Variants in NRXN1 observed in about 807,000 individuals in gnomAD.
NRXN1 encodes the protein neurexin-1.
A neutral mutation model predicts 150.9 loss-of-function variants in NRXN1; 39 were observed. The ratio of observed to expected loss-of-function variants is 0.26; its 90% CI spans 0.20 to 0.34. The LOEUF is 0.34. Among genes scored for constraint, NRXN1 ranks in the 10% least tolerant of loss-of-function variants. NRXN1 has a pLI of 1.00. For synonymous variants in NRXN1, 924 were observed against 757.0 expected, an observed-to-expected ratio of 1.22 and a Z score of -3.62; for missense variants, 1,815 against 1,949.9, an observed-to-expected ratio of 0.93 and a Z score of 1.30.
intron 12 of NRXN1, among the ~76,000 whole-genome samples, chr2:50,509,608 T>A (rs1015253538): frequency 6.6e-6 from 1 of 152,202 alleles, no homozygotes; most frequent in Admixed American, 6.5e-5. Flanking sequence ...GAATTTAACA[T>A]ATACAAACTT....
intron 2 of NRXN1, among the ~76,000 whole-genome samples, chr2:51,012,455 A>G (rs546505372): frequency 5.9e-5 from 9 of 152,186 alleles, no homozygotes; most frequent in Admixed American, 3.3e-4. Flanking sequence ...TTTTGCTTCA[A>G]CTGAGGATAT....
chr2:50,630,114 G>A (rs1234039205), intron 5 of NRXN1, among the ~76,000 whole-genome samples: 1 of 151,458 alleles, frequency 6.6e-6, no homozygotes, highest in Non-Finnish European at 1.5e-5. Context: ...TTCCATATCC[G>A]ACACACTATA....
intron 17 of NRXN1, among the ~76,000 whole-genome samples, chr2:50,283,765 C>A (rs995377224): frequency 6.6e-6 from 1 of 152,084 alleles, no homozygotes; most frequent in African/African-American, 2.4e-5. Context: ...CCTATATTTT[C>A]TGACTAAATG....
intron 17 of NRXN1, among the ~76,000 whole-genome samples, chr2:50,393,988 G>A (rs534990788): frequency 1.3e-5 from 2 of 152,014 alleles, no homozygotes; most frequent in African/African-American, 2.4e-5. Context: ...CATCTGACAC[G>A]GTAGATTATT....
At chr2:50,275,842 G>A (rs1009700531) in intron 17 of NRXN1, among the ~76,000 whole-genome samples, 1 of 151,994 alleles carries the variant, frequency 6.6e-6, no homozygotes, top group African/African-American at 2.4e-5. Context: ...ATAGAACATA[G>A]TAAACATAGC....
At position 50,958,289 on chromosome 2, in the gene NRXN1, T is replaced by C. The variant is rs146806738; in HGVS notation, c.773-32334A>G. ...ATTAATAAGCTTTCTGTGTACCCAG[T>C]AGAATTCTAGATACAAGTATAAGCA... On this transcript the variant is annotated intron_variant, in intron 2 of 22. Transcript: ENST00000401669. Among the ~76,000 whole-genome samples the C allele has an allele frequency of 6.7e-4, 102 of 152,214 alleles. 2 individuals are homozygous for C. The highest frequency in any genetic ancestry group is 2.4e-3 in the African/African-American group (98 of 41,550).
intron 21 of NRXN1, among the ~76,000 whole-genome samples, chr2:49,990,795 A>T (rs1337750582): frequency 6.6e-6 from 1 of 152,198 alleles, no homozygotes; most frequent in Non-Finnish European, 1.5e-5. Context: ...AGAATGAAAG[A>T]ATACCTTTTG....
chr2:50,594,708 T>G (rs1674859719), intron 8 of NRXN1, among the ~76,000 whole-genome samples: 2 of 152,160 alleles, frequency 1.3e-5, no homozygotes, highest in African/African-American at 4.8e-5. Flanking sequence ...TAAATTTTAG[T>G]TATTGATTCT....
intron 5 of NRXN1, among the ~76,000 whole-genome samples, chr2:50,899,642 T>C (rs1026223506): frequency 6.6e-6 from 1 of 152,184 alleles, no homozygotes; most frequent in South Asian, 2.1e-4. Context: ...ATTTGTTTTT[T>C]TCTAATATTT....
At chr2:50,148,860 G>C (rs1304337573) in intron 18 of NRXN1, among the ~76,000 whole-genome samples, 1 of 151,676 alleles carries the variant, frequency 6.6e-6, no homozygotes, top group Non-Finnish European at 1.5e-5. Context: ...GATAATCCTA[G>C]GTCTGCAGAG....
At chr2:50,043,748 G>T (rs1285716893) in intron 21 of NRXN1, among the ~76,000 whole-genome samples, 9 of 152,162 alleles carry the variant, frequency 5.9e-5, no homozygotes, top group Non-Finnish European at 1.3e-4. Flanking sequence ...CTATGTTTAA[G>T]GAAGATCTTA....
intron 2 of NRXN1, among the ~76,000 whole-genome samples, chr2:51,026,892 T>A (rs1260755699): frequency 6.6e-6 from 1 of 152,198 alleles, no homozygotes; most frequent in East Asian, 1.9e-4. Context: ...ACGCTTCACA[T>A]CCTCTCTTTC....
chr2:50,020,897 A>C (rs557631787), intron 21 of NRXN1, among the ~76,000 whole-genome samples: 15 of 152,286 alleles, frequency 9.8e-5, no homozygotes, highest in African/African-American at 3.1e-4. Flanking sequence ...TAACTATAAT[A>C]ATCCTTCTCA....
At chr2:50,594,176 T>C (rs776156535) in intron 8 of NRXN1, among the ~76,000 whole-genome samples, 6 of 152,226 alleles carry the variant, frequency 3.9e-5, no homozygotes, top group Middle Eastern at 3.2e-3. Context: ...CGGGCAGTTC[T>C]TTAGAGCAGT....
chr2:50,600,478 C>A (rs925555972), intron 8 of NRXN1, among the ~76,000 whole-genome samples: 1 of 151,938 alleles, frequency 6.6e-6, no homozygotes, highest in Non-Finnish European at 1.5e-5. Context: ...GCGTGTGCCA[C>A]CATGTCCGGC....
rs551551117 is a variant in NRXN1, at chr2:50,746,482, C to A, written c.833-122867G>T. Among the ~76,000 whole-genome samples the A allele has an allele frequency of 5.3e-5, 8 of 151,996 alleles. No homozygotes were observed. In the South Asian group the frequency reaches 1.7e-3, roughly 32 times the overall value. The stretch of plus-strand genomic sequence containing the variant: ...CTGAGGCAGAAGGATGGCTTAAGCC[C>A]AGGAGCTTGAGGCTGCAGTGAGCCA... On this transcript the variant is annotated intron_variant, in intron 5 of 22. Transcript: ENST00000401669.
At chr2:50,031,902 C>T (rs1480319608) in intron 21 of NRXN1, among the ~76,000 whole-genome samples, 2 of 151,972 alleles carry the variant, frequency 1.3e-5, no homozygotes, top group Non-Finnish European at 2.9e-5. Flanking sequence ...CTCACTAGTT[C>T]CTAATGAATG....
intron 18 of NRXN1, among the ~76,000 whole-genome samples, chr2:50,190,330 C>T (rs2061365248): frequency 6.6e-6 from 1 of 151,950 alleles, no homozygotes; most frequent in Non-Finnish European, 1.5e-5. Flanking sequence ...AATGCCACAC[C>T]AAATATTGTA....
intron 16 of NRXN1, among the ~76,000 whole-genome samples, chr2:50,466,095 C>A (rs1041515435): frequency 6.6e-6 from 1 of 151,462 alleles, no homozygotes; most frequent in Admixed American, 6.6e-5. Context: ...ATGCTTTTAA[C>A]AATTTCATGC....
Sources: allele counts gnomAD v4.1 joint callset (sites outside exome capture counted in the v4.1 genomes callset), GRCh38; gene constraint gnomAD v4.1.1; transcripts MANE v1.5; gene names NCBI Gene and HGNC (gene_info 2026-07-23, HGNC 2026-07-21).